Variants in RAB38 observed in about 807,000 individuals in gnomAD.
The protein encoded by RAB38 is ras-related protein Rab-38.
RAB38 carries 15 observed loss-of-function variants against 18.4 expected under a neutral mutation model. That is an observed-to-expected ratio of 0.82 (90% CI 0.55 to 1.26). The LOEUF is 1.26. RAB38 is among the 50% of genes most tolerant of loss of function. The pLI is 0.00. For synonymous variants in RAB38, 101 were observed against 104.4 expected (o/e 0.97, Z 0.20); for missense variants, 294 against 267.4 (o/e 1.10, Z -0.69).
At chr11:87,882,000 T>C in the RAB38 span, among the ~76,000 whole-genome samples, 1 of 151,838 alleles carries the variant, frequency 6.6e-6, no homozygotes, top group Non-Finnish European at 1.5e-5. Flanking sequence ...TGCAAATTAA[T>C]GCCACTCTAA....
At chr11:88,127,271 G>A (rs180871668) in intron 2 of RAB38, among the ~76,000 whole-genome samples, 1 of 152,288 alleles carries the variant, frequency 6.6e-6, no homozygotes, top group Admixed American at 6.5e-5. Flanking sequence ...TGGGAGCAGA[G>A]GGGAAAGATG....
At chr11:88,119,990 TC>T (rs1391633098) in intron 2 of RAB38, among the ~76,000 whole-genome samples, 14 of 152,196 alleles carry the variant, frequency 9.2e-5, no homozygotes, top group Non-Finnish European at 1.5e-5. Flanking sequence ...CTATTAATCA[TC>T]ATTAACACCT....
chr11:87,947,215 T>A, the RAB38 span, among the ~76,000 whole-genome samples: 2 of 144,930 alleles, frequency 1.4e-5, no homozygotes, highest in African/African-American at 5.2e-5. Context: ...GTTCATATCC[T>A]TCACCCACTT....
At chr11:87,922,151 T>C in the RAB38 span, among the ~76,000 whole-genome samples, 1 of 151,998 alleles carries the variant, frequency 6.6e-6, no homozygotes, top group African/African-American at 2.4e-5. Context: ...AAACTCCACT[T>C]CCATCCCAAG....
At chr11:88,066,742 C>T in the RAB38 span, among the ~76,000 whole-genome samples, 1 of 152,190 alleles carries the variant, frequency 6.6e-6, no homozygotes, top group Non-Finnish European at 1.5e-5. Flanking sequence ...AAACATTCCA[C>T]TCCAAGGATA....
the RAB38 span, among the ~76,000 whole-genome samples, chr11:87,967,005 C>T: frequency 6.6e-6 from 1 of 152,204 alleles, no homozygotes; most frequent in African/African-American, 2.4e-5. Flanking sequence ...GGAATCCTAA[C>T]TCCAGCCAGG....
chr11:87,828,508 T>C, the RAB38 span, among the ~76,000 whole-genome samples: 1 of 152,150 alleles, frequency 6.6e-6, no homozygotes, highest in Non-Finnish European at 1.5e-5. Context: ...ATGAAACACA[T>C]GCAATTATGA....
chr11:88,139,273 T>G (rs1390371266), intron 2 of RAB38, among the ~76,000 whole-genome samples: 2 of 152,194 alleles, frequency 1.3e-5, no homozygotes, highest in African/African-American at 4.8e-5. Context: ...AATGCCACAC[T>G]GCACAATATC....
the RAB38 span, among the ~76,000 whole-genome samples, chr11:88,008,955 A>G: frequency 6.6e-6 from 1 of 152,236 alleles, no homozygotes; most frequent in East Asian, 1.9e-4. Flanking sequence ...TACAGGCGTG[A>G]ACCACTGTGC....
At chr11:88,031,463 T>A in the RAB38 span, among the ~76,000 whole-genome samples, 1 of 151,988 alleles carries the variant, frequency 6.6e-6, no homozygotes, top group Non-Finnish European at 1.5e-5. Flanking sequence ...ATGACATGAC[T>A]GTATATCGAG....
chr11:87,823,017 T>G, the RAB38 span, among the ~76,000 whole-genome samples: 11 of 152,198 alleles, frequency 7.2e-5, no homozygotes, highest in Admixed American at 4.6e-4. Flanking sequence ...AAAGTCTTGT[T>G]AAATGACATC....
the RAB38 span, among the ~76,000 whole-genome samples, chr11:87,897,496 G>C: frequency 6.6e-6 from 1 of 151,536 alleles, no homozygotes. Context: ...ACAGTGTTAA[G>C]AGGGGTATTT....
the RAB38 span, among the ~76,000 whole-genome samples, chr11:87,904,472 T>C: frequency 6.6e-6 from 1 of 151,808 alleles, no homozygotes. Flanking sequence ...TTTACCGCGT[T>C]TTCCTTATCC....
At chr11:88,159,347 G>A (rs1330419369) in intron 1 of RAB38, among the ~76,000 whole-genome samples, 1 of 150,948 alleles carries the variant, frequency 6.6e-6, no homozygotes, top group Non-Finnish European at 1.5e-5. Flanking sequence ...TATAAACAAA[G>A]AAAAAAACAT....
chr11:88,060,863 G>GTTCCAAAAAT, the RAB38 span, among the ~76,000 whole-genome samples: 19 of 152,114 alleles, frequency 1.2e-4, no homozygotes, highest in Non-Finnish European at 2.6e-4. Flanking sequence ...GTTCCAAAAA[G>GTTCCAAAAAT]TTCCAAAAAT....
At chr11:88,112,810 A>ATATG (rs1942491832), downstream of RAB38, among the ~76,000 whole-genome samples, 1 of 151,080 alleles carries the variant, frequency 6.6e-6, no homozygotes, top group Non-Finnish European at 1.5e-5. Flanking sequence ...ATATATATAT[A>ATATG]TGTATATACG....
chr11:87,844,136 G>GTT, the RAB38 span, among the ~76,000 whole-genome samples: 1 of 152,050 alleles, frequency 6.6e-6, no homozygotes, highest in Admixed American at 6.5e-5. Context: ...ATGCTCTGTA[G>GTT]TTTAAAAAAA....
chr11:88,103,320 T>C, the RAB38 span, among the ~76,000 whole-genome samples: 95 of 152,220 alleles, frequency 6.2e-4, 1 homozygote, highest in African/African-American at 2.1e-3. Context: ...TATTTCATTT[T>C]TCTCTAGTAC....
At chr11:88,067,351 G>GAA in the RAB38 span, among the ~76,000 whole-genome samples, 2 of 130,072 alleles carry the variant, frequency 1.5e-5, no homozygotes, top group Non-Finnish European at 3.3e-5. Context: ...TTTAGCAAAT[G>GAA]AAAAAAAAAA....
Sources: gnomAD v4.1 joint callset for allele counts (sites outside exome capture counted in the v4.1 genomes callset) on GRCh38, gnomAD v4.1.1 for gene constraint, MANE v1.5 for transcripts, NCBI Gene and HGNC (gene_info 2026-07-23, HGNC 2026-07-21) for gene names.